The following EFR3A variants were observed in gnomAD, a reference collection of about 807,000 sequenced individuals.
EFR3A encodes EFR3 homolog A.
EFR3A carries 76 observed loss-of-function variants against 104.4 expected under a neutral mutation model. The observed-to-expected ratio is 0.73, with a 90% CI of 0.60 to 0.88. The LOEUF (loss-of-function observed/expected upper bound fraction) is 0.88, where lower values mean the gene tolerates loss of function less well. Ranked by LOEUF, EFR3A falls within the 40% of genes least tolerant of loss-of-function variation. The pLI is 0.00. For missense variants in EFR3A, 985 were observed against 1,012.5 expected (o/e 0.97, Z 0.37); for synonymous variants, 330 against 330.0 (o/e 1.00, Z 0.00).
chr8:131,985,201 C>T, intron 16 of EFR3A, 141 bp downstream of exon 16: 1 of 828,112 alleles, frequency 1.2e-6, no homozygotes, highest in Non-Finnish European at 1.9e-6. Flanking sequence ...TAAACTGAAA[C>T]TACAGCTAAA....
chr8:131,912,619 T>C (rs1316496560), intron 1 of EFR3A, among the ~76,000 whole-genome samples: 1 of 152,222 alleles, frequency 6.6e-6, no homozygotes, highest in Non-Finnish European at 1.5e-5. Context: ...TTCTTCTCTA[T>C]AATTGGTGTT....
At chr8:132,005,616 G>A (rs1442848806) in intron 22 of EFR3A, among the ~76,000 whole-genome samples, 2 of 152,156 alleles carry the variant, frequency 1.3e-5, no homozygotes, top group East Asian at 3.9e-4. Context: ...GGAGAGAAAT[G>A]TGTGTGACAT....
intron 20 of EFR3A, among the ~76,000 whole-genome samples, chr8:132,002,229 G>A (rs1285868935): frequency 1.3e-5 from 2 of 152,098 alleles, no homozygotes; most frequent in Non-Finnish European, 2.9e-5. Context: ...AATATTTTAT[G>A]TAGTACCTCG....
At position 131,979,415 on chromosome 8, in the gene EFR3A, G is replaced by C; in HGVS notation, c.1569G>C (p.Met523Ile). The C allele has an allele frequency of 6.4e-7, 1 of 1,552,976 alleles. No individual in the cohort carries two copies. Among genetic ancestry groups the C allele is most frequent in the Non-Finnish European group, 8.7e-7 (1 of 1,144,578 alleles). Residue 523 changes from methionine (M) to isoleucine (I), a missense_variant, in exon 14 of 23, where the codon ATG becomes ATC. Physicochemically the swap from Met to Ile is conservative, Grantham distance 10. Coordinates refer to ENST00000254624, the MANE Select transcript of EFR3A (RefSeq NM_015137.6). ...TTTGCAGACAAGACACAAGTTTCAT[G>C]AAAAAGGTAAGACATCTTCTAAAAA... ...EKICRQDTSF[M>I]KKNGQQLYRH...
chr8:131,905,135 G>T (rs1816184222), intron 1 of EFR3A, among the ~76,000 whole-genome samples: 1 of 152,208 alleles, frequency 6.6e-6, no homozygotes, highest in South Asian at 2.1e-4. Flanking sequence ...ATGTGGATAT[G>T]TGCAAACTAG....
At chr8:131,910,498 C>T (rs1816465225) in intron 1 of EFR3A, among the ~76,000 whole-genome samples, 1 of 152,196 alleles carries the variant, frequency 6.6e-6, no homozygotes, top group Admixed American at 6.5e-5. Context: ...GTCTTGAACT[C>T]CCAAGCTCAG....
rs200983781 is a variant in EFR3A, at chr8:131,968,403, G to T, written c.964G>T (p.Val322Phe). The T allele has an allele frequency of 6.2e-7, 1 of 1,613,612 alleles. No individual in the cohort carries two copies. The highest frequency in any genetic ancestry group is 1.3e-5 in the African/African-American group (1 of 75,044). Residue 322 changes from valine (V) to phenylalanine (F), a missense_variant, in exon 9 of 23, where the codon GTT becomes TTT. Coordinates refer to ENST00000254624, the MANE Select transcript of EFR3A (RefSeq NM_015137.6). ...TATTATTCAGGTTCTGTTAGAGGCT[G>T]TTGCCATTGCTGCTAAAGGTTCCAT... ...AGIIQVLLEA[V>F]AIAAKGSIGP...
chr8:132,010,849 C>A lies in EFR3A; in HGVS notation c.2420C>A (p.Ser807Tyr). The change falls in exon 23 of 23, where the codon TCT (serine) becomes TAT (tyrosine). Residue 807 changes from serine to tyrosine, a missense_variant. Physicochemically the swap from Ser to Tyr is moderately radical, Grantham distance 144. Coordinates refer to ENST00000254624, the MANE Select transcript of EFR3A (RefSeq NM_015137.6). Reference sequence around the variant, plus strand: ...ACTTCTGGGCATGCCCAATACCAATCTGTCCCAGTCTATGAGATGAAGTTT... The same window carrying A: ...ACTTCTGGGCATGCCCAATACCAATATGTCCCAGTCTATGAGATGAAGTTT... ...TITSGHAQYQSVPVYEMKFPD... is the reference protein window; with the variant it reads ...TITSGHAQYQYVPVYEMKFPD... The A allele has an allele frequency of 6.2e-7, 1 of 1,612,620 alleles. No individual in the cohort carries two copies. The highest frequency in any genetic ancestry group is 8.5e-7 in the Non-Finnish European group (1 of 1,178,952).
At chr8:131,928,879 C>G (rs1439142048) in intron 1 of EFR3A, among the ~76,000 whole-genome samples, 1 of 151,854 alleles carries the variant, frequency 6.6e-6, no homozygotes, top group East Asian at 1.9e-4. Context: ...AAAAATTATT[C>G]TTTGCATTTT....
At chr8:131,987,727 T>C in intron 18 of EFR3A, 25 bp downstream of exon 18, 1 of 1,562,196 alleles carries the variant, frequency 6.4e-7, no homozygotes, top group Non-Finnish European at 8.7e-7. Flanking sequence ...ATTAGAACTT[T>C]CACTCTGGTG....
intron 14 of EFR3A, among the ~76,000 whole-genome samples, chr8:131,983,081 C>T (rs780089084): frequency 2.0e-5 from 3 of 152,162 alleles, no homozygotes; most frequent in Non-Finnish European, 2.9e-5. Flanking sequence ...AGAATGCATA[C>T]TTGTTACAGA....
intron 1 of EFR3A, chr8:131,924,276 C>T (rs1453169136): frequency 4.6e-6 from 1 of 217,988 alleles, no homozygotes; most frequent in Non-Finnish European, 9.7e-6. Flanking sequence ...CTTGACTCGG[C>T]ATTTTTCTTC....
chr8:131,940,288 T>C, intron 1 of EFR3A: 1 of 557,000 alleles, frequency 1.8e-6, no homozygotes, highest in South Asian at 2.5e-5. Flanking sequence ...GCATGTTACC[T>C]AAAAATTCTT....
intron 8 of EFR3A, among the ~76,000 whole-genome samples, chr8:131,965,440 G>A (rs921994053): frequency 6.6e-6 from 1 of 152,220 alleles, no homozygotes; most frequent in East Asian, 1.9e-4. Context: ...CATTTATGCA[G>A]CCAAAAGACA....
At chr8:131,998,400 G>A (rs948453527) in intron 19 of EFR3A, among the ~76,000 whole-genome samples, 18 of 151,956 alleles carry the variant, frequency 1.2e-4, no homozygotes, top group African/African-American at 3.9e-4. Context: ...ATCCTGAGAT[G>A]TATTTGCTTT....
At chr8:131,928,951 A>G (rs1019039752) in intron 1 of EFR3A, among the ~76,000 whole-genome samples, 5 of 151,922 alleles carry the variant, frequency 3.3e-5, no homozygotes, top group East Asian at 1.9e-4. Flanking sequence ...TTCTGCTCTT[A>G]TTGTGCTGAT....
chr8:131,967,293 G>T (rs1316537503), intron 8 of EFR3A, among the ~76,000 whole-genome samples: 1 of 152,182 alleles, frequency 6.6e-6, no homozygotes, highest in Non-Finnish European at 1.5e-5. Flanking sequence ...ACCTAGAGAT[G>T]AAATCTGTTA....
intron 14 of EFR3A, among the ~76,000 whole-genome samples, chr8:131,983,938 A>G (rs1820743657): frequency 6.6e-6 from 1 of 152,200 alleles, no homozygotes; most frequent in Non-Finnish European, 1.5e-5. Context: ...TTTGTCTTCA[A>G]CTTTAACATT....
intron 10 of EFR3A, among the ~76,000 whole-genome samples, chr8:131,975,535 A>G (rs1217034327): frequency 1.3e-5 from 2 of 150,158 alleles, no homozygotes; most frequent in African/African-American, 4.9e-5. Flanking sequence ...TCCTGCCTCA[A>G]CCTCCTGAGT....
Sources: allele counts gnomAD v4.1 joint callset (sites outside exome capture counted in the v4.1 genomes callset), GRCh38; gene constraint gnomAD v4.1.1; transcripts MANE v1.5; gene names NCBI Gene and HGNC (gene_info 2026-07-23, HGNC 2026-07-21).